NPHP1: variants seen among roughly 807,000 people sequenced by gnomAD.
The protein encoded by NPHP1 is nephrocystin 1.
A neutral mutation model predicts 90.4 loss-of-function variants in NPHP1; 70 were observed. The ratio of observed to expected loss-of-function variants is 0.77; its 90% confidence interval spans 0.64 to 0.95. NPHP1 has a LOEUF of 0.95. NPHP1 is among the 40% of genes least tolerant of loss of function. The pLI is 0.00. For synonymous variants in NPHP1, 256 were observed against 271.7 expected, an observed-to-expected ratio of 0.94 and a Z score of 0.57; for missense variants, 764 against 795.9, an observed-to-expected ratio of 0.96 and a Z score of 0.48.
chr2:110,155,293 T>C (rs1253558952), intron 11 of NPHP1, among the ~76,000 whole-genome samples: 1 of 152,136 alleles, frequency 6.6e-6, no homozygotes, highest in East Asian at 1.9e-4. Flanking sequence ...AGTCATAAGT[T>C]TGCTGCAGGG....
intron 18 of NPHP1, chr2:110,126,729 A>G (rs566895399): frequency 1.3e-5 from 2 of 152,626 alleles, no homozygotes. Flanking sequence ...GTACATTTTA[A>G]ATTTTATTCA....
At chr2:110,132,352 G>T (rs1274540970) in intron 16 of NPHP1, among the ~76,000 whole-genome samples, 2 of 152,106 alleles carry the variant, frequency 1.3e-5, no homozygotes, top group Admixed American at 6.6e-5. Flanking sequence ...TTACTAAAAG[G>T]ATTAAAATGA....
intron 9 of NPHP1, among the ~76,000 whole-genome samples, chr2:110,162,405 A>T (rs1682408757): frequency 6.6e-6 from 1 of 152,128 alleles, no homozygotes; most frequent in Admixed American, 6.5e-5. Flanking sequence ...CTGAAGGATG[A>T]AAAGATGGGA....
chr2:110,165,946 C>T (rs552987562), intron 6 of NPHP1, among the ~76,000 whole-genome samples: 10 of 152,124 alleles, frequency 6.6e-5, no homozygotes, highest in East Asian at 5.8e-4. Flanking sequence ...TAAAGAAAAC[C>T]GAAAGTGCCA....
At chr2:110,151,673 A>AAC (rs1559064220) in intron 11 of NPHP1, among the ~76,000 whole-genome samples, 1 of 152,068 alleles carries the variant, frequency 6.6e-6, no homozygotes, top group African/African-American at 2.4e-5. Flanking sequence ...TTCGATTGCT[A>AAC]ATATATATAT....
chr2:110,136,372 G>C (rs1680201199), intron 16 of NPHP1, among the ~76,000 whole-genome samples: 1 of 152,138 alleles, frequency 6.6e-6, no homozygotes, highest in Non-Finnish European at 1.5e-5. Flanking sequence ...AGGAAAAGAG[G>C]AAGTCAAATT....
At chr2:110,150,098 C>T in intron 12 of NPHP1, 84 bp downstream of exon 12, 1 of 1,045,054 alleles carries the variant, frequency 9.6e-7, no homozygotes, top group South Asian at 1.3e-5. Flanking sequence ...ATATCTGTTC[C>T]CACATACTCT....
chr2:110,197,529 T>A (rs1005905378), intron 2 of NPHP1, among the ~76,000 whole-genome samples: 6 of 152,006 alleles, frequency 3.9e-5, no homozygotes, highest in Non-Finnish European at 8.8e-5. Flanking sequence ...CAGTGTAACA[T>A]AAAACACGTA....
intron 17 of NPHP1, among the ~76,000 whole-genome samples, 191 bp from the exon 18 acceptor site, chr2:110,129,450 C>T (rs1259110456): frequency 6.6e-6 from 1 of 152,192 alleles, no homozygotes; most frequent in African/African-American, 2.4e-5. Context: ...TACCCATATC[C>T]TGGTGAGTTC....
At chr2:110,185,274 G>A (rs1574174849) in intron 2 of NPHP1, 2 of 462,424 alleles carry the variant, frequency 4.3e-6, no homozygotes, top group East Asian at 5.4e-5. Flanking sequence ...TTGCCTGTGT[G>A]TGTGAGTGCA....
At chr2:110,136,955 A>G (rs1216470722) in intron 16 of NPHP1, among the ~76,000 whole-genome samples, 16 of 152,272 alleles carry the variant, frequency 1.1e-4, no homozygotes, top group African/African-American at 2.6e-4. Context: ...AAAACAGCAC[A>G]GTACTGGTAC....
intron 2 of NPHP1, among the ~76,000 whole-genome samples, chr2:110,200,438 C>T (rs186077875): frequency 1.3e-5 from 2 of 150,888 alleles, no homozygotes; most frequent in Non-Finnish European, 3.0e-5. Context: ...TGGGGCACGA[C>T]TGTAATCCCA....
intron 2 of NPHP1, among the ~76,000 whole-genome samples, chr2:110,200,814 T>C (rs13413818): frequency 0.31 from 47,690 of 151,968 alleles, 8,107 homozygotes; most frequent in East Asian, 0.58. Context: ...CTTTAAGCAC[T>C]CTGAATGCCT....
intron 2 of NPHP1, among the ~76,000 whole-genome samples, chr2:110,180,448 C>CTTTTTTTTTT (rs3086121): frequency 9.3e-4 from 75 of 80,912 alleles, no homozygotes; most frequent in East Asian, 1.7e-3. Context: ...CCGTTTGAGT[C>CTTTTTTTTTT]TTTTTTTTTT....
chr2:110,166,125 C>T (rs572601732), intron 6 of NPHP1, among the ~76,000 whole-genome samples: 10 of 152,130 alleles, frequency 6.6e-5, no homozygotes, highest in Non-Finnish European at 1.5e-4. Flanking sequence ...TGTGAGGAAA[C>T]AGCACTCACT....
intron 11 of NPHP1, among the ~76,000 whole-genome samples, chr2:110,158,564 G>A (rs1682080681): frequency 6.6e-6 from 1 of 151,922 alleles, no homozygotes; most frequent in Non-Finnish European, 1.5e-5. Context: ...TCACTATGTA[G>A]TGCCTGAAGT....
rs745542859 is a variant in NPHP1, at chr2:110,146,817, C to T, written c.1288G>A (p.Glu430Lys). The change falls in exon 14 of 20, where the codon GAG becomes AAG. Residue 430 changes from glutamate to lysine, a missense_variant. Transcript: ENST00000445609. ...YIRNSTGERG[E>K]LSCGWVFLKL... Reference sequence around the variant, plus strand: ...AGAAACACCCAGCCACAGCTTAACTCTCCTCTTTCACCAGTTGACTAGGAA... The same window carrying T: ...AGAAACACCCAGCCACAGCTTAACTTTCCTCTTTCACCAGTTGACTAGGAA... 6.2e-7 allele frequency: 1 copy of T among 1,613,290 alleles called. No individual in the cohort carries two copies. Among genetic ancestry groups the T allele is most frequent in the South Asian group, 1.1e-5 (1 of 91,068 alleles).
At chr2:110,143,768 C>A (rs1441656642) in intron 15 of NPHP1, 127 bp from the exon 16 acceptor site, 5 of 713,244 alleles carry the variant, frequency 7.0e-6, no homozygotes, top group Non-Finnish European at 1.2e-5. Context: ...CAAGAGTCAT[C>A]CATATACCCT....
chr2:110,188,893 C>T (rs1317758595), intron 2 of NPHP1, among the ~76,000 whole-genome samples: 2 of 151,958 alleles, frequency 1.3e-5, no homozygotes. Context: ...ACAAGCAATG[C>T]GGAAAGGGCC....
Sources: allele counts gnomAD v4.1 joint callset (sites outside exome capture counted in the v4.1 genomes callset), GRCh38; gene constraint gnomAD v4.1.1; transcripts MANE v1.5; gene names NCBI Gene and HGNC (gene_info 2026-07-23, HGNC 2026-07-21).